The following BRI3BP variants were observed in gnomAD, a reference collection of about 807,000 sequenced individuals.
BRI3BP encodes BRI3-binding protein.
In BRI3BP, 7 loss-of-function variants were observed where a neutral mutation model predicts 15.8. The observed-to-expected ratio is 0.44, with a 90% CI of 0.25 to 0.83. The LOEUF (loss-of-function observed/expected upper bound fraction) is 0.83. Ranked by LOEUF, BRI3BP falls within the 40% of genes least tolerant of loss-of-function variation. The pLI, the probability that BRI3BP is intolerant of heterozygous loss-of-function variation, is 0.20. For synonymous variants in BRI3BP, 192 were observed against 163.5 expected, an observed-to-expected ratio of 1.17 and a Z score of -1.33; for missense variants, 320 against 339.3, an observed-to-expected ratio of 0.94 and a Z score of 0.45.
At chr12:125,001,925 C>T (rs1468973273) in intron 1 of BRI3BP, among the ~76,000 whole-genome samples, 2 of 152,196 alleles carry the variant, frequency 1.3e-5, no homozygotes, top group Admixed American at 6.5e-5. Context: ...CCTTAAGCAA[C>T]TGCCAATCTG....
chr12:125,043,263 T>C, the BRI3BP span, among the ~76,000 whole-genome samples: 1 of 152,154 alleles, frequency 6.6e-6, no homozygotes, highest in Non-Finnish European at 1.5e-5. Context: ...GTGTGTGTTC[T>C]CCTGAGGCTA....
intron 1 of BRI3BP, among the ~76,000 whole-genome samples, chr12:125,006,039 T>C (rs1350823167): frequency 6.6e-6 from 1 of 152,116 alleles, no homozygotes; most frequent in Non-Finnish European, 1.5e-5. Flanking sequence ...CTTCGAGTGG[T>C]CTTTCCTCTG....
At position 125,027,439 on chromosome 12, in the gene BRI3BP, G is replaced by A. The variant is rs1013292641; in HGVS notation, c.*2009G>A. 6.6e-6 allele frequency: 1 copy of A among 152,200 alleles called. No individual in the cohort carries two copies. The highest frequency in any genetic ancestry group is 2.4e-5 in the African/African-American group (1 of 41,542). The allele number at this position is 152,200 out of a possible 1,614,324, so 9.4% of individuals were successfully genotyped here. A position where few individuals can be genotyped will look rare whatever the true frequency, so the allele number is the denominator to read the frequency against. ...AATCCCAACACTTTGGGAGGCCAAG[G>A]CAGGTGGATCACCTGAGGTCAGGAG... is the stretch of plus-strand genomic sequence containing the variant. On this transcript the variant is annotated 3_prime_UTR_variant, in exon 3 of 3. Transcript: ENST00000341446.
chr12:125,046,282 G>A, the BRI3BP span, among the ~76,000 whole-genome samples: 5 of 152,072 alleles, frequency 3.3e-5, no homozygotes, highest in African/African-American at 4.8e-5. Context: ...GGCCGGGCGC[G>A]GTGGCTCACA....
At chr12:125,035,900 G>A (rs1048987042), downstream of BRI3BP, among the ~76,000 whole-genome samples, 1 of 151,968 alleles carries the variant, frequency 6.6e-6, no homozygotes, top group Non-Finnish European at 1.5e-5. Flanking sequence ...GATCTTCACA[G>A]TAGCAAAATA....
the BRI3BP span, among the ~76,000 whole-genome samples, chr12:125,036,316 G>A: frequency 6.6e-6 from 1 of 151,412 alleles, no homozygotes; most frequent in Non-Finnish European, 1.5e-5. Context: ...CCCCGCCTTG[G>A]CCTCCCAAAA....
At chr12:124,994,142 T>A (rs1955020370) in intron 1 of BRI3BP, 139 bp downstream of exon 1, 2 of 525,276 alleles carry the variant, frequency 3.8e-6, no homozygotes, top group Middle Eastern at 7.5e-4. Context: ...GGCCTGCGCC[T>A]CGGGGCCTGC....
At position 125,028,273 on chromosome 12, in the gene BRI3BP, G is replaced by C. The variant is rs1297522889; in HGVS notation, c.*2843G>C. On this transcript the variant is annotated 3_prime_UTR_variant, in exon 3 of 3. Transcript: ENST00000341446. ...CCCTTGTTTATGGTCATTGTAAGAT[G>C]CCCGCATGTTAAGGCTTAAGCTGTC... The C allele has an allele frequency of 6.6e-6, 1 of 152,222 alleles. No homozygotes were observed. Among genetic ancestry groups the C allele is most frequent in the Non-Finnish European group, 1.5e-5 (1 of 68,040 alleles). 9.4% of individuals were successfully genotyped at this position (152,222 alleles called of 1,614,324 possible).
In BRI3BP at chr12:125,006,553, A is replaced by G. The variant is rs535953505; in HGVS notation, c.214-5981A>G. 3.9e-5 allele frequency among the ~76,000 whole-genome samples: 6 copies of G among 152,290 alleles called. No homozygotes were observed. In the South Asian group the frequency reaches 1.2e-3, roughly 32 times the overall value. ...GCACCTGCCTGTCAGCTTGTGTTACATGGGAGGTGACTGCTCAGCTTGCAG... is the reference window on the plus strand; with the variant it reads ...GCACCTGCCTGTCAGCTTGTGTTACGTGGGAGGTGACTGCTCAGCTTGCAG... On this transcript the variant is annotated intron_variant, in intron 1 of 2. Transcript: ENST00000341446.
At chr12:125,050,303 T>A in the BRI3BP span, among the ~76,000 whole-genome samples, 1 of 150,142 alleles carries the variant, frequency 6.7e-6, no homozygotes, top group Non-Finnish European at 1.5e-5. Context: ...TGAGCCGAGA[T>A]CACGCCACTG....
At position 125,030,038 on chromosome 12, in the gene BRI3BP, A is replaced by G. The variant is rs745771518; in HGVS notation, c.*4608A>G. On this transcript the variant is annotated 3_prime_UTR_variant, in exon 3 of 3. Coordinates refer to ENST00000341446, the MANE Select transcript of BRI3BP (RefSeq NM_080626.6). ...CTGTGATTCAGGCTTATGGAGCGTT[A>G]AGAATAACAGCTGTCAAATGGCCTA... 8 of 152,254 alleles carry G rather than the reference A, an allele frequency of 5.3e-5. No individual in the cohort carries two copies. Among genetic ancestry groups the G allele is most frequent in the Non-Finnish European group, 1.2e-4 (8 of 68,046 alleles). 9.4% of individuals were successfully genotyped at this position (152,254 alleles called of 1,614,324 possible). A position where few individuals can be genotyped will look rare whatever the true frequency, so the allele number is the denominator to read the frequency against.
chr12:125,033,591 G>T (rs1955421242), downstream of BRI3BP, among the ~76,000 whole-genome samples: 1 of 151,866 alleles, frequency 6.6e-6, no homozygotes. Context: ...ACAGGCCACA[G>T]ATCCTACTGT....
the BRI3BP span, among the ~76,000 whole-genome samples, chr12:125,043,506 G>A: frequency 2.6e-5 from 4 of 151,902 alleles, no homozygotes; most frequent in Non-Finnish European, 4.4e-5. Context: ...CCAGGAATTC[G>A]AGACCAGCCT....
chr12:125,015,209 A>ATGGGG, intron 2 of BRI3BP, among the ~76,000 whole-genome samples: 1 of 151,904 alleles, frequency 6.6e-6, no homozygotes, highest in South Asian at 2.1e-4. Context: ...TGGGGTCTGC[A>ATGGGG]GATGTGATAA....
chr12:125,022,321 A>G (rs766897798), intron 2 of BRI3BP, among the ~76,000 whole-genome samples: 17 of 152,086 alleles, frequency 1.1e-4, no homozygotes, highest in Non-Finnish European at 8.8e-5. Context: ...CTCCTGCAAG[A>G]AAACCATCCT....
intron 1 of BRI3BP, 122 bp downstream of exon 1, chr12:124,994,125 G>T: frequency 1.5e-6 from 1 of 664,308 alleles, no homozygotes; most frequent in Non-Finnish European, 2.0e-6. Flanking sequence ...GCGGGAAGAG[G>T]GGGTCCGGCC....
the BRI3BP span, among the ~76,000 whole-genome samples, chr12:125,036,923 C>T: frequency 6.6e-6 from 1 of 152,196 alleles, no homozygotes; most frequent in Non-Finnish European, 1.5e-5. Context: ...ACTGAGTATG[C>T]TAGTACCTTG....
At chr12:125,006,602 A>G (rs1327495535) in intron 1 of BRI3BP, among the ~76,000 whole-genome samples, 1 of 152,214 alleles carries the variant, frequency 6.6e-6, no homozygotes, top group East Asian at 1.9e-4. Context: ...GCCACCCTGC[A>G]ACCCATGAAT....
intron 2 of BRI3BP, among the ~76,000 whole-genome samples, chr12:125,016,579 G>C (rs1295973046): frequency 6.6e-6 from 1 of 151,924 alleles, no homozygotes; most frequent in Admixed American, 6.6e-5. Flanking sequence ...AAGCTGAAGT[G>C]CAATGGCGCT....
Sources: gnomAD v4.1 joint callset for allele counts (sites outside exome capture counted in the v4.1 genomes callset) on GRCh38, gnomAD v4.1.1 for gene constraint, MANE v1.5 for transcripts, NCBI Gene and HGNC (gene_info 2026-07-23, HGNC 2026-07-21) for gene names.